NOL4: variants seen among roughly 807,000 people sequenced by gnomAD.
The protein encoded by NOL4 is cancer/testis antigen 125.
A neutral mutation model predicts 75.9 loss-of-function variants in NOL4; 17 were observed. The ratio of observed to expected loss-of-function variants is 0.22; its 90% confidence interval spans 0.15 to 0.34. The LOEUF (loss-of-function observed/expected upper bound fraction) is 0.34, where lower values mean the gene tolerates loss of function less well. Ranked by LOEUF, NOL4 falls within the 10% of genes least tolerant of loss-of-function variation. The pLI is 1.00. For missense variants in NOL4, 614 were observed against 793.5 expected, an observed-to-expected ratio of 0.77 and a Z score of 2.72; for synonymous variants, 292 against 289.9, an observed-to-expected ratio of 1.01 and a Z score of -0.07.
intron 10 of NOL4, 25 bp downstream of exon 10, chr18:33,883,219 A>G (rs758482888): frequency 6.5e-7 from 1 of 1,537,554 alleles, no homozygotes; most frequent in South Asian, 1.3e-5. Flanking sequence ...TTAAAAAAAA[A>G]ACACAATCTA....
At chr18:33,878,348 T>C (rs1220989392) in intron 10 of NOL4, among the ~76,000 whole-genome samples, 1 of 152,044 alleles carries the variant, frequency 6.6e-6, no homozygotes, top group Non-Finnish European at 1.5e-5. Context: ...TTACCACTGG[T>C]AGCTCTCTGC....
At chr18:34,004,112 A>G (rs2073897427) in intron 6 of NOL4, among the ~76,000 whole-genome samples, 1 of 151,820 alleles carries the variant, frequency 6.6e-6, no homozygotes, top group Non-Finnish European at 1.5e-5. Flanking sequence ...TCTTTAGATA[A>G]CTCTTTCAAT....
Position 34,061,567 on chromosome 18 carries a change from T to G in NOL4, c.772+31898A>C, listed in dbSNP as rs2077063016. ...GCTAAACACATTCTTTCAAGGCACA[T>G]ATACAACATAGCTTGAATGACACTA... On this transcript the variant is annotated intron_variant, in intron 5 of 10. Transcript: ENST00000261592. Among the ~76,000 whole-genome samples, 4 of 152,258 alleles carry G rather than the reference T, an allele frequency of 2.6e-5. No individual in the cohort carries two copies. The South Asian group carries it at 8.3e-4, about 32-fold the overall frequency.
chr18:33,967,199 C>A (rs961347204), intron 6 of NOL4, among the ~76,000 whole-genome samples: 4 of 152,048 alleles, frequency 2.6e-5, no homozygotes, highest in African/African-American at 9.7e-5. Flanking sequence ...CAATCTTCAA[C>A]AAAATTGACA....
At chr18:34,085,418 AAC>A (rs1450559541) in intron 5 of NOL4, among the ~76,000 whole-genome samples, 1 of 152,164 alleles carries the variant, frequency 6.6e-6, no homozygotes, top group Non-Finnish European at 1.5e-5. Context: ...ACAAAGAACT[AAC>A]CCAGCAGTAA....
intron 2 of NOL4, among the ~76,000 whole-genome samples, chr18:34,115,072 C>T (rs1453322819): frequency 6.6e-6 from 1 of 152,092 alleles, no homozygotes; most frequent in Admixed American, 6.5e-5. Context: ...TCTGCTCTAA[C>T]AAAGAGCAGC....
intron 5 of NOL4, among the ~76,000 whole-genome samples, chr18:34,058,135 C>T (rs906926901): frequency 1.3e-5 from 2 of 151,914 alleles, no homozygotes; most frequent in South Asian, 2.1e-4. Context: ...GCCTGTTGTT[C>T]CTTATTTCTT....
intron 9 of NOL4, among the ~76,000 whole-genome samples, chr18:33,910,209 A>G (rs2066310505): frequency 6.6e-6 from 1 of 152,146 alleles, no homozygotes; most frequent in African/African-American, 2.4e-5. Context: ...TTCTGGCACA[A>G]TGAACATTCT....
intron 5 of NOL4, among the ~76,000 whole-genome samples, chr18:34,068,877 T>C (rs1310546674): frequency 6.6e-6 from 1 of 152,116 alleles, no homozygotes; most frequent in Non-Finnish European, 1.5e-5. Context: ...AAAGATGAAC[T>C]CAATATTATT....
chr18:34,102,393 C>A (rs1261732549), intron 4 of NOL4, among the ~76,000 whole-genome samples: 1 of 151,966 alleles, frequency 6.6e-6, no homozygotes, highest in African/African-American at 2.4e-5. Flanking sequence ...ACTTACATTC[C>A]ATTTTAATGT....
intron 9 of NOL4, among the ~76,000 whole-genome samples, chr18:33,898,700 C>G (rs1465891559): frequency 2.0e-5 from 3 of 152,104 alleles, no homozygotes; most frequent in Admixed American, 1.3e-4. Context: ...GATAACATAC[C>G]AATCCTGTTT....
chr18:34,062,436 T>A (rs2077100894), intron 5 of NOL4, among the ~76,000 whole-genome samples: 1 of 152,042 alleles, frequency 6.6e-6, no homozygotes, highest in Non-Finnish European at 1.5e-5. Context: ...GAGCTTCACC[T>A]AAGGGACAAG....
In NOL4 at chr18:34,000,992, T is replaced by C. The variant is rs150773955; in HGVS notation, c.1056+18326A>G. Among the ~76,000 whole-genome samples the C allele has an allele frequency of 6.6e-5, 10 of 152,206 alleles. No individual in the cohort carries two copies. In the East Asian group the frequency reaches 1.9e-3, roughly 30 times the overall value. ...TAGAAAATGTAACAAAAATAAAATG[T>C]AAACAGTTTAAACTCTGAAATGGTA... On this transcript the variant is annotated intron_variant, in intron 6 of 10. Coordinates refer to ENST00000261592, the MANE Select transcript of NOL4 (RefSeq NM_003787.5).
chr18:33,863,231 T>G (rs1340122483), intron 10 of NOL4, among the ~76,000 whole-genome samples: 3 of 149,588 alleles, frequency 2.0e-5, no homozygotes, highest in Admixed American at 2.0e-4. Flanking sequence ...TGAGAACACA[T>G]GGACACAGGT....
intron 9 of NOL4, among the ~76,000 whole-genome samples, chr18:33,916,559 T>G (rs1198015557): frequency 2.6e-5 from 4 of 152,124 alleles, no homozygotes; most frequent in Non-Finnish European, 5.9e-5. Context: ...GTTAGGCAAT[T>G]AAGAAAGCAA....
rs531218851 is a variant in NOL4 at position 33,865,776 on chromosome 18, C to G, written c.1724-12741G>C. 4.6e-5 allele frequency among the ~76,000 whole-genome samples: 7 copies of G among 152,268 alleles called. No individual in the cohort carries two copies. The South Asian group carries it at 1.2e-3, about 27-fold the overall frequency. ...GTCTATGTCAAACCAAAGCCATTTT[C>G]AAACCAGTTAGGTCTAACTGTAACC... On this transcript the variant is annotated intron_variant, in intron 10 of 10. Transcript: ENST00000261592.
chr18:33,927,512 G>A (rs1488157501), intron 9 of NOL4, among the ~76,000 whole-genome samples: 1 of 152,106 alleles, frequency 6.6e-6, no homozygotes, highest in African/African-American at 2.4e-5. Context: ...AAGAGTCAGT[G>A]TGTGGACTGT....
intron 1 of NOL4, among the ~76,000 whole-genome samples, chr18:34,176,667 G>A (rs377718012): frequency 2.0e-5 from 3 of 152,082 alleles, no homozygotes; most frequent in African/African-American, 7.2e-5. Flanking sequence ...TTGAGAGCAT[G>A]AGCGCTCTCT....
chr18:34,032,559 C>T (rs1414561854), intron 5 of NOL4, among the ~76,000 whole-genome samples: 1 of 152,176 alleles, frequency 6.6e-6, no homozygotes, highest in Admixed American at 6.5e-5. Flanking sequence ...GCACATAGCA[C>T]CTGTGAGCAT....
Sources: gnomAD v4.1 joint callset for allele counts (sites outside exome capture counted in the v4.1 genomes callset) on GRCh38, gnomAD v4.1.1 for gene constraint, MANE v1.5 for transcripts, NCBI Gene and HGNC (gene_info 2026-07-23, HGNC 2026-07-21) for gene names.